DGLUCY: variants seen among roughly 807,000 people sequenced by gnomAD.
The protein encoded by DGLUCY is D-glutamate cyclase.
DGLUCY carries 58 observed loss-of-function variants against 58.5 expected under a neutral mutation model. The observed-to-expected ratio is 0.99, with a 90% CI of 0.80 to 1.23. The LOEUF is 1.23. Among genes scored for constraint, DGLUCY ranks in the 50% most tolerant of loss-of-function variants. DGLUCY has a pLI of 0.00. For synonymous variants in DGLUCY, 325 were observed against 314.1 expected (o/e 1.03, Z -0.37); for missense variants, 779 against 784.7 (o/e 0.99, Z 0.09).
At chr14:91,160,509 G>T in intron 3 of DGLUCY, 112 bp downstream of exon 3, 1 of 734,214 alleles carries the variant, frequency 1.4e-6, no homozygotes, top group Non-Finnish European at 2.2e-6. Context: ...TTCTGCATAG[G>T]AAACAGAAAG....
At chr14:91,077,896 T>G (rs540884522) in intron 1 of DGLUCY, among the ~76,000 whole-genome samples, 191 of 150,202 alleles carry the variant, frequency 1.3e-3, no homozygotes, top group African/African-American at 4.6e-3. Flanking sequence ...AGGAAGGAAG[T>G]TAGTTCCAAT....
chr14:91,207,311 G>GA (rs201034261), intron 12 of DGLUCY, among the ~76,000 whole-genome samples: 2,188 of 149,920 alleles, frequency 0.015, 28 homozygotes, highest in Non-Finnish European at 0.021. Flanking sequence ...TGCCAAAACT[G>GA]AAAAAAAAGC....
At position 91,224,718 on chromosome 14, in the gene DGLUCY, A is replaced by G. The variant is rs1887979778; in HGVS notation, c.1751A>G (p.Lys584Arg). 1 of 1,611,058 alleles carries G rather than the reference A, an allele frequency of 6.2e-7. No homozygotes were observed. The highest frequency in any genetic ancestry group is 1.7e-5 in the Admixed American group (1 of 59,946). The change falls in exon 14 of 14, where the codon AAA becomes AGA. Residue 584 changes from lysine (K) to arginine (R), a missense_variant. By Grantham distance (26) the Lys-to-Arg change is conservative. Transcript: ENST00000256324. ...EKMLGILVQH[K>R]VRSGVSGIVG... is the part of the protein sequence containing the mutation. Reference sequence around the variant, plus strand: ...ATGCTGGGCATCTTGGTGCAGCACAAAGTCCGGAGTGGCGTCTCGGGCATC... The same window carrying G: ...ATGCTGGGCATCTTGGTGCAGCACAGAGTCCGGAGTGGCGTCTCGGGCATC...
At chr14:91,107,333 A>G (rs2044610035), upstream of DGLUCY, among the ~76,000 whole-genome samples, 1 of 151,958 alleles carries the variant, frequency 6.6e-6, no homozygotes, top group Non-Finnish European at 1.5e-5. Flanking sequence ...AGCCTGGCCA[A>G]CGTGGTGAAA....
At chr14:91,113,030 G>A (rs937483999), upstream of DGLUCY, among the ~76,000 whole-genome samples, 1 of 144,648 alleles carries the variant, frequency 6.9e-6, no homozygotes, top group Non-Finnish European at 1.5e-5. Context: ...GGCCAGGTGC[G>A]ATAGCTCATG....
chr14:91,144,747 ACAG>A (rs1412097591), intron 1 of DGLUCY, among the ~76,000 whole-genome samples: 2 of 152,196 alleles, frequency 1.3e-5, no homozygotes, highest in African/African-American at 2.4e-5. Flanking sequence ...TGTCAGGGAG[ACAG>A]CCACAAAGAT....
At chr14:91,100,231 C>T (rs1029089093) in intron 1 of DGLUCY, among the ~76,000 whole-genome samples, 23 of 152,208 alleles carry the variant, frequency 1.5e-4, no homozygotes, top group African/African-American at 3.9e-4. Flanking sequence ...TTATCTCCTC[C>T]GCTTAGAAAT....
At chr14:91,129,652 T>G (rs1264906889) in intron 1 of DGLUCY, among the ~76,000 whole-genome samples, 1 of 149,216 alleles carries the variant, frequency 6.7e-6, no homozygotes, top group African/African-American at 2.5e-5. Flanking sequence ...TTGTTTTTTG[T>G]TTTTTTTTTC....
At chr14:91,097,213 A>G (rs1366865844) in intron 1 of DGLUCY, among the ~76,000 whole-genome samples, 2 of 152,154 alleles carry the variant, frequency 1.3e-5, no homozygotes, top group East Asian at 3.9e-4. Flanking sequence ...CCTGGGCAAT[A>G]TGGTGAAACC....
chr14:91,163,913 A>C (rs1033786752), intron 3 of DGLUCY, among the ~76,000 whole-genome samples: 6 of 152,200 alleles, frequency 3.9e-5, no homozygotes, highest in African/African-American at 1.4e-4. Context: ...CAAATCTGAC[A>C]GGGCAATTGT....
intron 1 of DGLUCY, among the ~76,000 whole-genome samples, chr14:91,070,374 C>G (rs1038021944): frequency 6.6e-6 from 1 of 152,150 alleles, no homozygotes; most frequent in Admixed American, 6.6e-5. Flanking sequence ...GAGACATTCT[C>G]TCATGGAGAG....
chr14:91,174,632 A>G (rs913585652), intron 6 of DGLUCY, among the ~76,000 whole-genome samples: 2 of 152,296 alleles, frequency 1.3e-5, no homozygotes, highest in Admixed American at 1.3e-4. Flanking sequence ...ATAAACTGGT[A>G]TACATAAGTA....
Position 91,086,906 on chromosome 14 carries a change from C to T in DGLUCY, c.-82+26202C>T, listed in dbSNP as rs150177382. 9.0e-3 allele frequency among the ~76,000 whole-genome samples: 1,376 copies of T among 152,254 alleles called. 16 individuals carry two copies. The highest frequency in any genetic ancestry group is 0.044 in the Middle Eastern group (13 of 294). ...GTTTGAAACCACAGGTGCGCACCACCACACCTGGCTAATTTTTTGTATTTT... is the reference window on the plus strand; with the variant it reads ...GTTTGAAACCACAGGTGCGCACCACTACACCTGGCTAATTTTTTGTATTTT... On this transcript the variant is annotated intron_variant, in intron 1 of 4. Coordinates refer to the DGLUCY transcript ENST00000521334.
At chr14:91,112,241 C>G (rs2044715697), upstream of DGLUCY, among the ~76,000 whole-genome samples, 1 of 149,884 alleles carries the variant, frequency 6.7e-6, no homozygotes, top group South Asian at 2.1e-4. Context: ...AAGAGCAAAA[C>G]TCTGTCTCAA....
intron 3 of DGLUCY, among the ~76,000 whole-genome samples, chr14:91,164,012 C>T (rs768111808): frequency 1.1e-4 from 17 of 152,046 alleles, no homozygotes; most frequent in Non-Finnish European, 2.2e-4. Flanking sequence ...TGCAGTGGCG[C>T]GATCTCGGCT....
In DGLUCY at chr14:91,134,019, C is replaced by T. The variant is rs537609488; in HGVS notation, c.-82+19736C>T. 2.0e-5 allele frequency among the ~76,000 whole-genome samples: 3 copies of T among 152,158 alleles called. No homozygotes were observed. In the South Asian group the frequency reaches 6.2e-4, roughly 32 times the overall value. ...GTTTTTTGAGTTGAGTTGTGGGAGC[C>T]CTTTCACTCCATCTTAATTACCATA... On this transcript the variant is annotated intron_variant, in intron 1 of 13. Coordinates refer to ENST00000256324, the MANE Select transcript of DGLUCY (RefSeq NM_001102368.3).
At chr14:91,193,476 G>T (rs1595886245) in intron 9 of DGLUCY, among the ~76,000 whole-genome samples, 1 of 152,174 alleles carries the variant, frequency 6.6e-6, no homozygotes, top group East Asian at 1.9e-4. Flanking sequence ...TTTGCATGAA[G>T]AAAGTAAAAG....
At chr14:91,215,371 A>T (rs1595943135) in intron 12 of DGLUCY, 34 bp from the exon 13 acceptor site, 1 of 1,573,978 alleles carries the variant, frequency 6.4e-7, no homozygotes, top group African/African-American at 1.4e-5. Flanking sequence ...TGACTTTTCC[A>T]ACTCCATGAT....
At chr14:91,124,602 G>T (rs2045568423) in intron 1 of DGLUCY, among the ~76,000 whole-genome samples, 1 of 152,194 alleles carries the variant, frequency 6.6e-6, no homozygotes, top group African/African-American at 2.4e-5. Context: ...ACAGGGGTTG[G>T]TTGTAACTCA....
Sources: gnomAD v4.1 joint callset for allele counts (sites outside exome capture counted in the v4.1 genomes callset) on GRCh38, gnomAD v4.1.1 for gene constraint, MANE v1.5 for transcripts, NCBI Gene and HGNC (gene_info 2026-07-23, HGNC 2026-07-21) for gene names.